LCOR: variants seen among roughly 807,000 people sequenced by gnomAD.
LCOR encodes the protein ligand dependent nuclear receptor corepressor.
Under a neutral mutation model 64.4 loss-of-function variants are expected in LCOR, and 14 were observed. The observed-to-expected ratio is 0.22, with a 90% CI of 0.14 to 0.34. The LOEUF (loss-of-function observed/expected upper bound fraction) is 0.34, where lower values mean the gene tolerates loss of function less well. LCOR is among the 10% of genes least tolerant of loss of function. The probability of loss-of-function intolerance (pLI) is 1.00; values close to 1 mark genes in which losing one functional copy is unlikely to be tolerated. For missense variants in LCOR, 1,686 were observed against 1,765.3 expected (o/e 0.96, Z 0.80); for synonymous variants, 643 against 642.5 (o/e 1.00, Z -0.01).
Position 96,990,766 on chromosome 10 carries a change from T to G in LCOR, c.*5632T>G, listed in dbSNP as rs1245790910. 2 of 152,280 alleles carry G rather than the reference T, an allele frequency of 1.3e-5. No individual in the cohort carries two copies. Among genetic ancestry groups the G allele is most frequent in the African/African-American group, 4.8e-5 (2 of 41,432 alleles). 9.4% of individuals were successfully genotyped at this position (152,280 alleles called of 1,614,324 possible). On this transcript the variant is annotated 3_prime_UTR_variant, in exon 8 of 8. Transcript: ENST00000421806. The stretch of plus-strand genomic sequence containing the variant: ...GTCTGATCTTCCTTTTCCCAGAGCC[T>G]CAGTGCTTGATGCTCAGTGCTCAGG...
chr10:96,914,687 A>G (rs1435545305), intron 4 of LCOR, among the ~76,000 whole-genome samples: 3 of 152,270 alleles, frequency 2.0e-5, no homozygotes, highest in African/African-American at 2.4e-5. Context: ...GAAAGCCACT[A>G]TAAAACCGAA....
chr10:96,888,316 A>T (rs901221946), intron 2 of LCOR, among the ~76,000 whole-genome samples: 3 of 132,870 alleles, frequency 2.3e-5, no homozygotes, highest in Admixed American at 9.2e-5. Context: ...AGTGAGCCAG[A>T]TCATGCCACT....
chr10:96,963,411 A>C (rs917490782), intron 7 of LCOR: 1 of 152,156 alleles, frequency 6.6e-6, no homozygotes, highest in Admixed American at 6.5e-5. Flanking sequence ...GATAACTACT[A>C]CTAAATTCAA....
chr10:96,908,035 C>T (rs1490206743), intron 4 of LCOR: 1 of 151,740 alleles, frequency 6.6e-6, no homozygotes, highest in Non-Finnish European at 1.5e-5. Context: ...CTCTGTGATG[C>T]CCAGGCTGGA....
At chr10:96,925,474 T>A (rs1003216882) in intron 4 of LCOR, among the ~76,000 whole-genome samples, 14 of 152,228 alleles carry the variant, frequency 9.2e-5, no homozygotes, top group African/African-American at 2.9e-4. Context: ...TTCTTTATGA[T>A]TAAGTTCATA....
At chr10:96,860,565 C>T (rs1297929626) in intron 2 of LCOR, among the ~76,000 whole-genome samples, 2 of 152,186 alleles carry the variant, frequency 1.3e-5, no homozygotes, top group African/African-American at 4.8e-5. Flanking sequence ...TGTTTTCAGC[C>T]AGTTACCCAG....
intron 7 of LCOR, among the ~76,000 whole-genome samples, chr10:96,966,837 G>A (rs1847955479): frequency 6.6e-6 from 1 of 152,174 alleles, no homozygotes; most frequent in Non-Finnish European, 1.5e-5. Context: ...CTGGGCTTAC[G>A]TGATCCTCCC....
At chr10:96,867,751 A>G (rs1191561942) in intron 2 of LCOR, among the ~76,000 whole-genome samples, 1 of 152,122 alleles carries the variant, frequency 6.6e-6, no homozygotes, top group Non-Finnish European at 1.5e-5. Context: ...GTATAGATAT[A>G]TATTTAATCT....
intron 2 of LCOR, among the ~76,000 whole-genome samples, chr10:96,891,756 C>T (rs1846448402): frequency 1.3e-5 from 2 of 151,786 alleles, no homozygotes; most frequent in South Asian, 4.2e-4. Context: ...GTTGGCCAGG[C>T]TAGTTGCGAA....
At chr10:96,917,924 A>G (rs1846983578) in intron 4 of LCOR, among the ~76,000 whole-genome samples, 1 of 152,204 alleles carries the variant, frequency 6.6e-6, no homozygotes, top group South Asian at 2.1e-4. Flanking sequence ...TGCAGTGGCC[A>G]GTTTTATGAG....
intron 2 of LCOR, among the ~76,000 whole-genome samples, chr10:96,852,233 A>G (rs1346036584): frequency 1.3e-5 from 2 of 152,186 alleles, no homozygotes; most frequent in Non-Finnish European, 2.9e-5. Flanking sequence ...TGTGGGAAAC[A>G]TAGTGAGACT....
At chr10:96,870,089 C>T (rs1340653009) in intron 2 of LCOR, among the ~76,000 whole-genome samples, 1 of 152,122 alleles carries the variant, frequency 6.6e-6, no homozygotes, top group Admixed American at 6.6e-5. Flanking sequence ...GAGTCTCACT[C>T]TGTCGCCCAG....
At chr10:96,875,809 T>C (rs1443576522) in intron 2 of LCOR, among the ~76,000 whole-genome samples, 4 of 151,332 alleles carry the variant, frequency 2.6e-5, no homozygotes, top group Admixed American at 2.0e-4. Flanking sequence ...GAGGCTGCAG[T>C]GAGCTGTGTT....
At chr10:96,964,460 C>T (rs1418411595) in intron 7 of LCOR, 1 of 151,980 alleles carries the variant, frequency 6.6e-6, no homozygotes, top group Non-Finnish European at 1.5e-5. Context: ...TTGGTTTCTA[C>T]TTCCTAAGAT....
At chr10:96,913,304 A>G (rs1194723228) in intron 4 of LCOR, among the ~76,000 whole-genome samples, 1 of 152,136 alleles carries the variant, frequency 6.6e-6, no homozygotes, top group Non-Finnish European at 1.5e-5. Context: ...AAAACCATCC[A>G]CTGAGATTTT....
intron 2 of LCOR, among the ~76,000 whole-genome samples, chr10:96,892,317 ACT>A (rs986775863): frequency 1.3e-5 from 2 of 151,524 alleles, no homozygotes; most frequent in Admixed American, 6.6e-5. Flanking sequence ...TTCTTGATTG[ACT>A]CTTATCATTA....
chr10:96,950,913 A>G (rs539552919), intron 6 of LCOR, among the ~76,000 whole-genome samples: 1 of 152,236 alleles, frequency 6.6e-6, no homozygotes, highest in Admixed American at 6.5e-5. Flanking sequence ...TAATAGGATA[A>G]TTGGTTCTAT....
chr10:96,985,266 A>G lies in LCOR; in HGVS notation c.*132A>G. 8.9e-7 allele frequency: 1 copy of G among 1,121,228 alleles called. No homozygotes were observed. The highest frequency in any genetic ancestry group is 1.2e-6 in the Non-Finnish European group (1 of 831,634). 69.5% of individuals were successfully genotyped at this position (1,121,228 alleles called of 1,614,324 possible). A position where few individuals can be genotyped will look rare whatever the true frequency, so the allele number is the denominator to read the frequency against. ...TTAATGGAGAACACCGTAATTTGAG[A>G]TGTCAGAAAATGCATCTCAGATGGA... On this transcript the variant is annotated 3_prime_UTR_variant, in exon 8 of 8. Coordinates refer to ENST00000421806, the MANE Select transcript of LCOR (RefSeq NM_001346516.2).
Position 96,957,271 on chromosome 10 carries a change from T to TATCA in LCOR, c.332+5077_332+5078insCAAT, listed in dbSNP as rs1247272886. 5 of 985,216 alleles carry TATCA rather than the reference T, an allele frequency of 5.1e-6. No individual in the cohort carries two copies. In the African/African-American group the frequency reaches 7.0e-5, roughly 14 times the overall value. The allele number at this position is 985,216 out of a possible 1,614,324, so 61.0% of individuals were successfully genotyped here. ...TTGACTTTTTCTGATAATTAGCTGA[T>TATCA]ATTCATGGTTGTTTAGCACACAGTT... On this transcript the variant is annotated intron_variant, in intron 7 of 7. Transcript: ENST00000421806.
Sources: allele counts gnomAD v4.1 joint callset (sites outside exome capture counted in the v4.1 genomes callset), GRCh38; gene constraint gnomAD v4.1.1; transcripts MANE v1.5; gene names NCBI Gene and HGNC (gene_info 2026-07-23, HGNC 2026-07-21).